GRIA2: variants seen among roughly 807,000 people sequenced by gnomAD.
The protein encoded by GRIA2 is glutamate ionotropic receptor AMPA type subunit 2, also known as glutamate receptor 2.
In GRIA2, 14 loss-of-function variants were observed where a neutral mutation model predicts 97.3. That is an observed-to-expected ratio of 0.14 (90% confidence interval 0.10 to 0.23). The LOEUF is 0.23. GRIA2 is among the 10% of genes least tolerant of loss of function. The pLI, the probability that GRIA2 is intolerant of heterozygous loss-of-function variation, is 1.00. For missense variants in GRIA2, 558 were observed against 1,069.8 expected (o/e 0.52, Z 6.67); for synonymous variants, 412 against 387.8 (o/e 1.06, Z -0.73).
chr4:157,310,914 C>T (rs1734051976), intron 3 of GRIA2, among the ~76,000 whole-genome samples: 1 of 151,874 alleles, frequency 6.6e-6, no homozygotes, highest in African/African-American at 2.4e-5. Context: ...TGAATGTAGC[C>T]AACACTAAAT....
chr4:157,360,251 A>G (rs1736575662), intron 13 of GRIA2, 108 bp downstream of exon 13: 2 of 1,126,988 alleles, frequency 1.8e-6, no homozygotes, highest in Non-Finnish European at 2.5e-6. Flanking sequence ...GAGGTAACTC[A>G]CCATCACAAA....
intron 2 of GRIA2, among the ~76,000 whole-genome samples, chr4:157,289,375 A>G (rs980529396): frequency 1.3e-5 from 2 of 151,894 alleles, no homozygotes; most frequent in African/African-American, 4.8e-5. Flanking sequence ...AATTTAAAAA[A>G]CATGTTACAA....
chr4:157,281,361 T>G (rs1732586706), intron 2 of GRIA2, among the ~76,000 whole-genome samples: 1 of 152,160 alleles, frequency 6.6e-6, no homozygotes, highest in Non-Finnish European at 1.5e-5. Flanking sequence ...TTCTTTTTAG[T>G]AAGAGCTGGT....
In GRIA2 at chr4:157,364,170, C is replaced by A. The variant is rs1020429029; in HGVS notation, c.*739C>A. 2 of 152,366 alleles carry A rather than the reference C, an allele frequency of 1.3e-5. No homozygotes were observed. The highest frequency in any genetic ancestry group is 4.8e-5 in the African/African-American group (2 of 41,410). The allele number at this position is 152,366 out of a possible 1,614,324, so 9.4% of individuals were successfully genotyped here. A position where few individuals can be genotyped will look rare whatever the true frequency, so the allele number is the denominator to read the frequency against. On this transcript the variant is annotated 3_prime_UTR_variant, in exon 16 of 16. Transcript: ENST00000264426. ...AAGTAAACAAAGAGGAGATTCCAAT[C>A]TTGTAATTTAATATTGTTATTAAAA... is the stretch of plus-strand genomic sequence containing the variant.
chr4:157,302,207 G>T (rs1232538565), intron 2 of GRIA2, among the ~76,000 whole-genome samples: 2 of 149,298 alleles, frequency 1.3e-5, no homozygotes, highest in African/African-American at 4.9e-5. Flanking sequence ...ACACATATTT[G>T]ACTTTACTAG....
At chr4:157,278,710 A>G (rs1242637091) in intron 2 of GRIA2, among the ~76,000 whole-genome samples, 1 of 152,022 alleles carries the variant, frequency 6.6e-6, no homozygotes, top group African/African-American at 2.4e-5. Context: ...TATTTTTATA[A>G]AAGACATATC....
At chr4:157,342,126 CTCTT>C in intron 12 of GRIA2, 1 of 973,008 alleles carries the variant, frequency 1.0e-6, no homozygotes, top group Non-Finnish European at 1.2e-6. Context: ...TATAAAACAA[CTCTT>C]TCTATGAAAA....
At chr4:157,248,993 A>G (rs1340525626) in intron 2 of GRIA2, among the ~76,000 whole-genome samples, 1 of 151,696 alleles carries the variant, frequency 6.6e-6, no homozygotes, top group Non-Finnish European at 1.5e-5. Flanking sequence ...GTGCAACACC[A>G]CACCTGATTA....
chr4:157,351,287 C>T (rs1211338759), intron 12 of GRIA2, among the ~76,000 whole-genome samples: 1 of 152,014 alleles, frequency 6.6e-6, no homozygotes. Flanking sequence ...CATGATAGAT[C>T]TTGAATGTGC....
chr4:157,255,266 C>T (rs1220759545), intron 2 of GRIA2, among the ~76,000 whole-genome samples: 1 of 151,308 alleles, frequency 6.6e-6, no homozygotes, highest in Non-Finnish European at 1.5e-5. Context: ...TGGCTGAATA[C>T]ACACACACAC....
At chr4:157,358,076 T>C (rs570043883) in intron 12 of GRIA2, among the ~76,000 whole-genome samples, 1 of 152,284 alleles carries the variant, frequency 6.6e-6, no homozygotes, top group Admixed American at 6.5e-5. Flanking sequence ...TCCAAAATTG[T>C]GATATTGACG....
chr4:157,280,865 TAACA>T (rs1732561548), intron 2 of GRIA2, among the ~76,000 whole-genome samples: 1 of 152,160 alleles, frequency 6.6e-6, no homozygotes, highest in South Asian at 2.1e-4. Flanking sequence ...AACTATTTAG[TAACA>T]GTCTATTGTG....
At chr4:157,250,341 G>A (rs1002986803) in intron 2 of GRIA2, among the ~76,000 whole-genome samples, 4 of 152,092 alleles carry the variant, frequency 2.6e-5, no homozygotes, top group African/African-American at 7.2e-5. Flanking sequence ...AATGCCATAG[G>A]AAAGAGAGTA....
chr4:157,304,821 T>C (rs1733768157), intron 3 of GRIA2, among the ~76,000 whole-genome samples: 1 of 152,088 alleles, frequency 6.6e-6, no homozygotes, highest in African/African-American at 2.4e-5. Flanking sequence ...CAATTCTCCA[T>C]TGATCAGTTT....
intron 2 of GRIA2, among the ~76,000 whole-genome samples, chr4:157,232,760 G>A (rs924449403): frequency 1.3e-4 from 20 of 152,018 alleles, no homozygotes; most frequent in East Asian, 1.9e-4. Flanking sequence ...TTTCATCTGC[G>A]AAGATTAAAA....
chr4:157,257,240 G>A (rs374607398), intron 2 of GRIA2, among the ~76,000 whole-genome samples: 44 of 152,092 alleles, frequency 2.9e-4, no homozygotes, highest in African/African-American at 9.1e-4. Context: ...CAAGCCCTGT[G>A]ACTTTTTACT....
chr4:157,355,922 T>TA (rs1401943296), intron 12 of GRIA2, among the ~76,000 whole-genome samples: 8 of 21,410 alleles, frequency 3.7e-4, no homozygotes, highest in South Asian at 6.0e-3. Flanking sequence ...TATTAATATA[T>TA]TTATATATAT....
In GRIA2 at chr4:157,308,338, G is replaced by A. The variant is rs147475886; in HGVS notation, c.470-4341G>A. 3.0e-3 allele frequency among the ~76,000 whole-genome samples: 464 copies of A among 152,288 alleles called. 3 individuals are homozygous for A. Among genetic ancestry groups the A allele is most frequent in the Non-Finnish European group, 5.3e-3 (361 of 68,018 alleles). The stretch of plus-strand genomic sequence containing the variant: ...TCAGTAACAATAGGCACATGAAGAA[G>A]TAATGCAATTTAACATTATGTAATC... On this transcript the variant is annotated intron_variant, in intron 3 of 15. Coordinates refer to ENST00000264426, the MANE Select transcript of GRIA2 (RefSeq NM_001083619.3).
chr4:157,244,039 G>A (rs1413489135), intron 2 of GRIA2, among the ~76,000 whole-genome samples: 3 of 152,060 alleles, frequency 2.0e-5, no homozygotes, highest in African/African-American at 7.2e-5. Context: ...GGTAGGCTGA[G>A]TGAGGAAGGT....
Sources: gnomAD v4.1 joint callset for allele counts (sites outside exome capture counted in the v4.1 genomes callset) on GRCh38, gnomAD v4.1.1 for gene constraint, MANE v1.5 for transcripts, NCBI Gene and HGNC (gene_info 2026-07-23, HGNC 2026-07-21) for gene names.